The following PPARD variants were observed in gnomAD, a reference collection of about 807,000 sequenced individuals.
PPARD encodes peroxisome proliferator activated receptor delta.
Under a neutral mutation model 39.5 loss-of-function variants are expected in PPARD, and 6 were observed. The ratio of observed to expected loss-of-function variants is 0.15; its 90% CI spans 0.08 to 0.30. The LOEUF (loss-of-function observed/expected upper bound fraction) is 0.30, where lower values mean the gene tolerates loss of function less well. Ranked by LOEUF, PPARD falls within the 10% of genes least tolerant of loss-of-function variation. The probability of loss-of-function intolerance (pLI) is 1.00; values close to 1 mark genes in which losing one functional copy is unlikely to be tolerated. For synonymous variants in PPARD, 210 were observed against 231.3 expected, an observed-to-expected ratio of 0.91 and a Z score of 0.83; for missense variants, 397 against 596.8, an observed-to-expected ratio of 0.67 and a Z score of 3.49.
At chr6:35,384,491 G>A (rs1181976147) in intron 2 of PPARD, among the ~76,000 whole-genome samples, 3 of 105,418 alleles carry the variant, frequency 2.8e-5, no homozygotes, top group African/African-American at 9.7e-5. Flanking sequence ...AGGTGGGGGG[G>A]TCAGCCCCCC....
chr6:35,370,857 A>T (rs192992109), intron 2 of PPARD, among the ~76,000 whole-genome samples: 6 of 152,234 alleles, frequency 3.9e-5, no homozygotes, highest in African/African-American at 1.4e-4. Flanking sequence ...TGTGTGTAGC[A>T]GGGAGCTCAC....
intron 2 of PPARD, among the ~76,000 whole-genome samples, chr6:35,409,615 C>G (rs1319499695): frequency 1.3e-5 from 2 of 151,922 alleles, no homozygotes; most frequent in Non-Finnish European, 2.9e-5. Context: ...TGTGGGTGAA[C>G]TTGTGTCACA....
chr6:35,374,968 C>G (rs750077800), intron 2 of PPARD, among the ~76,000 whole-genome samples: 3 of 152,016 alleles, frequency 2.0e-5, no homozygotes, highest in African/African-American at 7.3e-5. Flanking sequence ...TGTTTTTTGC[C>G]GTGAGGTCTG....
intron 2 of PPARD, among the ~76,000 whole-genome samples, chr6:35,372,327 G>A (rs1582325261): frequency 6.6e-6 from 1 of 152,096 alleles, no homozygotes; most frequent in Non-Finnish European, 1.5e-5. Flanking sequence ...ACAGGCTCCC[G>A]CCACCATGCC....
intron 2 of PPARD, among the ~76,000 whole-genome samples, chr6:35,365,026 G>A (rs1467749127): frequency 6.6e-6 from 1 of 151,012 alleles, no homozygotes; most frequent in East Asian, 2.0e-4. Flanking sequence ...TTACTCGTTA[G>A]GCAGATACCT....
At chr6:35,405,693 G>A (rs1419469335) in intron 2 of PPARD, among the ~76,000 whole-genome samples, 3 of 151,964 alleles carry the variant, frequency 2.0e-5, no homozygotes, top group Admixed American at 6.5e-5. Context: ...GCAGTGGTGC[G>A]ATCTCGGCCC....
intron 4 of PPARD, among the ~76,000 whole-genome samples, chr6:35,420,581 T>C (rs1011584913): frequency 6.6e-6 from 1 of 152,196 alleles, no homozygotes; most frequent in Non-Finnish European, 1.5e-5. Flanking sequence ...GGCTGAGCCA[T>C]CGTCTTACCT....
Position 35,363,803 on chromosome 6 carries a change from A to G in PPARD, c.-102+16653A>G, listed in dbSNP as rs896585726. Among the ~76,000 whole-genome samples, 2 of 152,150 alleles carry G rather than the reference A, an allele frequency of 1.3e-5. No individual in the cohort carries two copies. Among genetic ancestry groups the G allele is most frequent in the African/African-American group, 4.8e-5 (2 of 41,430 alleles). On this transcript the variant is annotated intron_variant, in intron 2 of 7. Transcript: ENST00000360694. The surrounding 1 kb of genome is among the most constrained non-coding windows in gnomAD (Gnocchi z 4.5). Reference sequence around the variant, plus strand: ...AGGCAGAATGTGAGCAGTTTATTTTATTTTATATTCTACATATTTTTATAG... The same window carrying G: ...AGGCAGAATGTGAGCAGTTTATTTTGTTTTATATTCTACATATTTTTATAG...
At chr6:35,352,379 T>A (rs1392504481) in intron 2 of PPARD, among the ~76,000 whole-genome samples, 3 of 151,712 alleles carry the variant, frequency 2.0e-5, no homozygotes, top group African/African-American at 7.3e-5. Flanking sequence ...AGAGATGGGG[T>A]TTCACCATAT....
intron 2 of PPARD, among the ~76,000 whole-genome samples, chr6:35,396,084 CCTT>C (rs773207274): frequency 3.9e-4 from 59 of 152,182 alleles, no homozygotes; most frequent in African/African-American, 1.3e-3. Flanking sequence ...CTCCCTGTCT[CCTT>C]CTTTCTTTCT....
intron 2 of PPARD, among the ~76,000 whole-genome samples, chr6:35,358,442 G>A (rs1761742706): frequency 6.6e-6 from 1 of 152,218 alleles, no homozygotes; most frequent in African/African-American, 2.4e-5. Flanking sequence ...TAAGTTTGTG[G>A]TAATGTGGTA....
At position 35,355,669 on chromosome 6, in the gene PPARD, T is replaced by C. The variant is rs536892775; in HGVS notation, c.-102+8519T>C. 6.2e-4 allele frequency among the ~76,000 whole-genome samples: 81 copies of C among 130,008 alleles called. 1 individual carries two copies. The highest frequency in any genetic ancestry group is 5.4e-4 in the Non-Finnish European group (35 of 64,296). 85.3% of individuals were successfully genotyped at this position (130,008 alleles called of 152,430 possible). On this transcript the variant is annotated intron_variant, in intron 2 of 7. Transcript: ENST00000360694. ...CTTTGTTGCCCAGGCTGGAGTGCAG[T>C]GGCGTGATCTCGGCTCACTGCAAGC...
chr6:35,409,281 G>A (rs1388404923), intron 2 of PPARD, among the ~76,000 whole-genome samples: 4 of 152,104 alleles, frequency 2.6e-5, no homozygotes, highest in Admixed American at 2.6e-4. Context: ...AAGGTGGGCA[G>A]ATTGCTTGAG....
chr6:35,353,780 T>C (rs753164200), intron 2 of PPARD, among the ~76,000 whole-genome samples: 3 of 152,156 alleles, frequency 2.0e-5, no homozygotes, highest in African/African-American at 7.2e-5. Flanking sequence ...TACTTGAAGC[T>C]GAGAGAAGGC....
At chr6:35,404,955 G>C (rs1764936601) in intron 2 of PPARD, among the ~76,000 whole-genome samples, 1 of 16,168 alleles carries the variant, frequency 6.2e-5, no homozygotes, top group African/African-American at 9.1e-5. Context: ...TGCAGGCTTT[G>C]TGTGTGTGTG....
At chr6:35,385,944 A>G (rs995874330) in intron 2 of PPARD, among the ~76,000 whole-genome samples, 3 of 152,024 alleles carry the variant, frequency 2.0e-5, no homozygotes, top group African/African-American at 7.2e-5. Flanking sequence ...TCATCATTTC[A>G]AGGGCGGGTG....
chr6:35,423,645 T>C (rs1051454341), intron 5 of PPARD, among the ~76,000 whole-genome samples: 1 of 152,184 alleles, frequency 6.6e-6, no homozygotes, highest in Non-Finnish European at 1.5e-5. Flanking sequence ...AAAGTCTGTC[T>C]TACCCCAGCT....
At chr6:35,419,306 A>G (rs1456048160) in intron 3 of PPARD, among the ~76,000 whole-genome samples, 2 of 152,168 alleles carry the variant, frequency 1.3e-5, no homozygotes, top group East Asian at 3.9e-4. Flanking sequence ...TCCCCTTTCC[A>G]AGATGAAGAG....
At chr6:35,384,725 C>T (rs1304551979) in intron 2 of PPARD, among the ~76,000 whole-genome samples, 1 of 86,548 alleles carries the variant, frequency 1.2e-5, no homozygotes, top group Non-Finnish European at 2.1e-5. Context: ...TCTGCCCGGC[C>T]GCCCCTACTG....
Sources: allele counts gnomAD v4.1 joint callset (sites outside exome capture counted in the v4.1 genomes callset), GRCh38; gene constraint gnomAD v4.1.1; non-coding constraint Gnocchi (gnomAD v3.1); transcripts MANE v1.5; gene names NCBI Gene and HGNC (gene_info 2026-07-23, HGNC 2026-07-21).